LHFPL2: variants seen among roughly 807,000 people sequenced by gnomAD.
The protein encoded by LHFPL2 is LHFPL tetraspan subfamily member 2, also known as LHFPL tetraspan subfamily member 2 protein.
Under a neutral mutation model 17.5 loss-of-function variants are expected in LHFPL2, and 7 were observed. The ratio of observed to expected loss-of-function variants is 0.40; its 90% CI spans 0.23 to 0.75. The LOEUF (loss-of-function observed/expected upper bound fraction) is 0.75. Ranked by LOEUF, LHFPL2 falls within the 30% of genes least tolerant of loss-of-function variation. The pLI is 0.37. For missense variants in LHFPL2, 241 were observed against 294.8 expected, an observed-to-expected ratio of 0.82 and a Z score of 1.34; for synonymous variants, 134 against 116.2, an observed-to-expected ratio of 1.15 and a Z score of -0.99.
intron 3 of LHFPL2, among the ~76,000 whole-genome samples, chr5:78,558,742 T>C (rs897389550): frequency 6.6e-6 from 1 of 152,214 alleles, no homozygotes; most frequent in Non-Finnish European, 1.5e-5. Context: ...AAGGCCAGAA[T>C]CTACCGGAAC....
chr5:78,638,591 T>C (rs1745547838), intron 1 of LHFPL2, among the ~76,000 whole-genome samples: 1 of 152,180 alleles, frequency 6.6e-6, no homozygotes, highest in East Asian at 1.9e-4. Flanking sequence ...TATGATTAGC[T>C]TCCTCTGTAT....
intron 4 of LHFPL2, among the ~76,000 whole-genome samples, chr5:78,502,879 G>A (rs1754816351): frequency 6.6e-6 from 1 of 152,200 alleles, no homozygotes; most frequent in African/African-American, 2.4e-5. Context: ...TCTGCATTTT[G>A]AGTTGAAATT....
intron 3 of LHFPL2, among the ~76,000 whole-genome samples, chr5:78,535,611 C>T (rs1755924920): frequency 6.6e-6 from 1 of 152,200 alleles, no homozygotes; most frequent in South Asian, 2.1e-4. Flanking sequence ...AAGCCTGCTC[C>T]ACCTGCTAGC....
intron 3 of LHFPL2, among the ~76,000 whole-genome samples, chr5:78,537,281 G>A (rs960402350): frequency 1.3e-5 from 2 of 152,154 alleles, no homozygotes; most frequent in Non-Finnish European, 2.9e-5. Context: ...CCACCTGGCT[G>A]CACCCTGGCC....
chr5:78,569,073 T>C (rs1458707570), intron 2 of LHFPL2, among the ~76,000 whole-genome samples: 1 of 152,150 alleles, frequency 6.6e-6, no homozygotes, highest in Non-Finnish European at 1.5e-5. Flanking sequence ...ACAACCAACG[T>C]AAGATGCCTG....
intron 3 of LHFPL2, among the ~76,000 whole-genome samples, chr5:78,532,210 C>T (rs1580781611): frequency 6.6e-6 from 1 of 152,056 alleles, no homozygotes; most frequent in Non-Finnish European, 1.5e-5. Context: ...AGGTGTGAGC[C>T]ACTGCGCCCA....
chr5:78,532,945 C>G (rs144587925), intron 3 of LHFPL2, among the ~76,000 whole-genome samples: 144 of 152,306 alleles, frequency 9.5e-4, no homozygotes, highest in African/African-American at 3.3e-3. Context: ...AGGGACACAC[C>G]GAGTGAGGCC....
intron 3 of LHFPL2, among the ~76,000 whole-genome samples, chr5:78,525,824 C>T (rs1205982455): frequency 6.6e-6 from 1 of 152,176 alleles, no homozygotes; most frequent in African/African-American, 2.4e-5. Context: ...ATCTAAATAG[C>T]TGAAAATGGC....
intron 2 of LHFPL2, among the ~76,000 whole-genome samples, chr5:78,612,512 A>G (rs562000265): frequency 6.6e-6 from 1 of 152,386 alleles, no homozygotes; most frequent in Non-Finnish European, 1.5e-5. Flanking sequence ...TTGCTATAAA[A>G]GTTCATTGGG....
intron 2 of LHFPL2, among the ~76,000 whole-genome samples, chr5:78,631,787 T>C (rs987767759): frequency 9.9e-5 from 15 of 152,040 alleles, no homozygotes; most frequent in African/African-American, 3.1e-4. Flanking sequence ...GATACAAAAA[T>C]TAGCTGTGTG....
chr5:78,490,954 AT>A (rs1378026477), intron 4 of LHFPL2: 1 of 152,134 alleles, frequency 6.6e-6, no homozygotes, highest in East Asian at 1.9e-4. Flanking sequence ...CTTAACTGAA[AT>A]TCTCTGGGTT....
At chr5:78,569,839 C>T (rs1756950772) in intron 2 of LHFPL2, among the ~76,000 whole-genome samples, 1 of 152,166 alleles carries the variant, frequency 6.6e-6, no homozygotes, top group Non-Finnish European at 1.5e-5. Context: ...AATTCCTTCT[C>T]TTAAGGAAGG....
intron 1 of LHFPL2, among the ~76,000 whole-genome samples, chr5:78,640,375 G>A (rs953055837): frequency 6.6e-6 from 1 of 152,178 alleles, no homozygotes; most frequent in African/African-American, 2.4e-5. Context: ...TCATTCAGAG[G>A]AAGCTGCCCC....
intron 2 of LHFPL2, among the ~76,000 whole-genome samples, chr5:78,575,005 A>C (rs1186366518): frequency 6.6e-6 from 1 of 152,184 alleles, no homozygotes; most frequent in Non-Finnish European, 1.5e-5. Flanking sequence ...CGAGAGACGT[A>C]AAGTGACCAA....
chr5:78,585,684 TC>T (rs914278464), intron 2 of LHFPL2, among the ~76,000 whole-genome samples: 3 of 152,274 alleles, frequency 2.0e-5, no homozygotes, highest in Admixed American at 1.3e-4. Context: ...CACCTCCTCC[TC>T]CTCCTCATCA....
chr5:78,634,162 T>A (rs908763269), intron 1 of LHFPL2, among the ~76,000 whole-genome samples: 4 of 152,168 alleles, frequency 2.6e-5, no homozygotes, highest in Non-Finnish European at 4.4e-5. Context: ...AGTTCTCACA[T>A]TCTTGTTTGT....
chr5:78,512,372 C>T lies in LHFPL2; in HGVS notation c.-185-1974G>A, dbSNP rs192844446. Among the ~76,000 whole-genome samples the T allele has an allele frequency of 1.7e-4, 25 of 150,122 alleles. No individual in the cohort carries two copies. In the East Asian group the frequency reaches 4.0e-3, roughly 24 times the overall value. On this transcript the variant is annotated intron_variant, in intron 3 of 4. Transcript: ENST00000380345. ...CTTCTGGCTGAATGCTAATTTATCT[C>T]CACAAGCTGGATAATTTATATCCAA...
At chr5:78,626,219 G>T (rs1471701053) in intron 2 of LHFPL2, 2 of 152,198 alleles carry the variant, frequency 1.3e-5, no homozygotes, top group Non-Finnish European at 2.9e-5. Flanking sequence ...ACAGGAGCAG[G>T]GCTGCCAAGC....
intron 3 of LHFPL2, among the ~76,000 whole-genome samples, chr5:78,538,158 G>A (rs1021455211): frequency 1.3e-5 from 2 of 152,190 alleles, no homozygotes; most frequent in Admixed American, 6.5e-5. Flanking sequence ...ACAGGCACAC[G>A]AAAGCTTATG....
Sources: allele counts gnomAD v4.1 joint callset (sites outside exome capture counted in the v4.1 genomes callset), GRCh38; gene constraint gnomAD v4.1.1; transcripts MANE v1.5; gene names NCBI Gene and HGNC (gene_info 2026-07-23, HGNC 2026-07-21).